The following ATP11A variants were observed in gnomAD, a reference collection of about 807,000 sequenced individuals.
The protein encoded by ATP11A is phospholipid-transporting ATPase IH.
ATP11A carries 81 observed loss-of-function variants against 154.4 expected under a neutral mutation model. The ratio of observed to expected loss-of-function variants is 0.52; its 90% confidence interval spans 0.44 to 0.63. The LOEUF is 0.63. ATP11A is among the 30% of genes least tolerant of loss of function. The pLI is 0.00. For synonymous variants in ATP11A, 623 were observed against 585.9 expected (o/e 1.06, Z -0.91); for missense variants, 1,316 against 1,474.3 (o/e 0.89, Z 1.76).
chr13:112,863,026 C>T lies in ATP11A; in HGVS notation c.2991+451C>T, dbSNP rs569900151. On this transcript the variant is annotated intron_variant, in intron 25 of 29. Coordinates refer to ENST00000375645, the MANE Select transcript of ATP11A (RefSeq NM_015205.3). ...AGCTTCCCAGCGGGGTCCATCACCA[C>T]CTGTGCAGTAGTTCAGTGCGGCCCA... Among the ~76,000 whole-genome samples the T allele has an allele frequency of 3.2e-4, 47 of 148,174 alleles. 3 individuals are homozygous for T. The Middle Eastern group carries it at 0.011, about 36-fold the overall frequency.
At chr13:112,774,524 C>A (rs752512056) in intron 1 of ATP11A, among the ~76,000 whole-genome samples, 6 of 152,174 alleles carry the variant, frequency 3.9e-5, no homozygotes, top group Non-Finnish European at 8.8e-5. Context: ...TTCCAACTTA[C>A]AAATTGCAAA....
rs369786220 is a variant in ATP11A at position 112,754,314 on chromosome 13, C to A, written c.40-30821C>A. On this transcript the variant is annotated intron_variant, in intron 1 of 29. Transcript: ENST00000375645. The surrounding 1 kb of genome is among the most constrained non-coding windows in gnomAD (Gnocchi z 5.3). Reference sequence around the variant, plus strand: ...TCGGCTGATTCTTGGTCTTTGGAGACCTGGTCCCCAGTCCCACCTCTGCAT... The same window carrying A: ...TCGGCTGATTCTTGGTCTTTGGAGAACTGGTCCCCAGTCCCACCTCTGCAT... 1.3e-5 allele frequency among the ~76,000 whole-genome samples: 2 copies of A among 152,280 alleles called. No individual in the cohort carries two copies. The highest frequency in any genetic ancestry group is 3.9e-4 in the East Asian group (2 of 5,184).
chr13:112,840,294 G>A (rs112136079), intron 16 of ATP11A, among the ~76,000 whole-genome samples: 4 of 89,636 alleles, frequency 4.5e-5, no homozygotes, highest in Admixed American at 1.1e-4. Flanking sequence ...CCACTCTCCC[G>A]TGCCCTCCAG....
At chr13:112,709,870 T>C (rs573967826) in intron 1 of ATP11A, among the ~76,000 whole-genome samples, 108 of 152,408 alleles carry the variant, frequency 7.1e-4, no homozygotes, top group African/African-American at 2.6e-3. Context: ...AGTTTGACTC[T>C]TGTTGTCAAC....
chr13:112,818,211 T>TTGGTGCGCTTGGTGACGGGGCGGTGACC (rs1566525946), intron 6 of ATP11A, among the ~76,000 whole-genome samples: 4 of 146,522 alleles, frequency 2.7e-5, no homozygotes, highest in African/African-American at 7.6e-5. Context: ...GGGCAGTGAC[T>TTGGTGCGCTTGGTGACGGGGCGGTGACC]GTTGGTGCGC....
chr13:112,720,317 C>A (rs1004920094), intron 1 of ATP11A, among the ~76,000 whole-genome samples: 1 of 152,214 alleles, frequency 6.6e-6, no homozygotes, highest in African/African-American at 2.4e-5. Flanking sequence ...TAGGTGGAGT[C>A]GGAGATTCTT....
At chr13:112,810,893 G>A (rs1446642488) in intron 5 of ATP11A, among the ~76,000 whole-genome samples, 167 bp downstream of exon 5, 1 of 152,148 alleles carries the variant, frequency 6.6e-6, no homozygotes, top group Non-Finnish European at 1.5e-5. Context: ...GCTTCACCGT[G>A]CCTGTGAATA....
At chr13:112,878,175 T>A in intron 28 of ATP11A, 42 bp from the exon 29 acceptor site, 1 of 1,564,824 alleles carries the variant, frequency 6.4e-7, no homozygotes, top group Non-Finnish European at 8.8e-7. Flanking sequence ...CACACCTTGT[T>A]CACACACCCC....
At chr13:112,856,639 T>C (rs2079935514) in intron 20 of ATP11A, 1 of 146,028 alleles carries the variant, frequency 6.8e-6, no homozygotes, top group African/African-American at 2.6e-5. Flanking sequence ...CTGAAGTTTT[T>C]TCTTTAAATA....
At chr13:112,844,398 T>C (rs991738223) in intron 17 of ATP11A, among the ~76,000 whole-genome samples, 1 of 152,182 alleles carries the variant, frequency 6.6e-6, no homozygotes, top group Non-Finnish European at 1.5e-5. Flanking sequence ...AGCAAGGGCA[T>C]TGACACACGA....
intron 8 of ATP11A, among the ~76,000 whole-genome samples, chr13:112,822,629 G>A (rs907293534): frequency 6.6e-6 from 1 of 151,718 alleles, no homozygotes; most frequent in Non-Finnish European, 1.5e-5. Flanking sequence ...ATGCCCAACT[G>A]TAATCTCAGC....
rs1269014895 is a variant in ATP11A at position 112,690,294 on chromosome 13, C to T, written c.-123C>T. 33 of 667,618 alleles carry T rather than the reference C, an allele frequency of 4.9e-5. No homozygotes were observed. Among genetic ancestry groups the T allele is most frequent in the South Asian group, 1.3e-4 (2 of 14,832 alleles). The allele number at this position is 667,618 out of a possible 1,614,324, so 41.4% of individuals were successfully genotyped here. A position where few individuals can be genotyped will look rare whatever the true frequency, so the allele number is the denominator to read the frequency against. On this transcript the variant is annotated 5_prime_UTR_variant, in exon 1 of 30. Transcript: ENST00000375645. The surrounding 1 kb of genome is among the most constrained non-coding windows in gnomAD (Gnocchi z 5.6). ...GGGGCCGCGGCCGCCCCCTGCACCG[C>T]CCGGCGCGCCGAGGCCGTGACCGGA...
chr13:112,843,244 C>G (rs908938096), intron 17 of ATP11A, among the ~76,000 whole-genome samples: 10 of 152,164 alleles, frequency 6.6e-5, no homozygotes, highest in Non-Finnish European at 1.0e-4. Context: ...TGGACGCACT[C>G]CCTCCTGTCA....
chr13:112,831,557 C>T lies in ATP11A; in HGVS notation c.1395+9C>T. On this transcript the variant is annotated intron_variant, in intron 13 of 29. Coordinates refer to ENST00000375645, the MANE Select transcript of ATP11A (RefSeq NM_015205.3). ...CCAGCGTCAACGGGAGGGTAGGTGG[C>T]AGCCCCCACGCCGTCCAAGTGTGTG... 1.2e-6 allele frequency: 2 copies of T among 1,612,892 alleles called. No individual in the cohort carries two copies. Among genetic ancestry groups the T allele is most frequent in the Non-Finnish European group, 1.7e-6 (2 of 1,179,186 alleles).
intron 1 of ATP11A, among the ~76,000 whole-genome samples, chr13:112,765,569 A>G (rs951677649): frequency 2.0e-5 from 3 of 152,230 alleles, no homozygotes; most frequent in African/African-American, 7.2e-5. Context: ...GTGAACTTCA[A>G]ACACAGGAAG....
At chr13:112,826,974 A>C in intron 12 of ATP11A, 83 bp downstream of exon 12, 1 of 1,432,764 alleles carries the variant, frequency 7.0e-7, no homozygotes, top group Non-Finnish European at 9.7e-7. Flanking sequence ...TGTGCCTGTC[A>C]TCCGAGCGTG....
intron 1 of ATP11A, among the ~76,000 whole-genome samples, chr13:112,691,536 A>G (rs2139432882): frequency 6.6e-6 from 1 of 151,136 alleles, no homozygotes; most frequent in Non-Finnish European, 1.5e-5. Flanking sequence ...TCCCAAGCAC[A>G]GCGTTTCCTG....
Position 112,819,328 on chromosome 13 carries a change from A to G in ATP11A, c.595A>G (p.Lys199Glu). ...HKTHYAVQDT[K>E]GFHTEEDIGG... ...GACGCATTACGCGGTCCAGGACACCAAAGGCTTCCACACAGAGGAGGATAT... is the reference window on the plus strand; with the variant it reads ...GACGCATTACGCGGTCCAGGACACCGAAGGCTTCCACACAGAGGAGGATAT... Residue 199 changes from lysine to glutamate, a missense_variant, in exon 7 of 30, where the codon AAA becomes GAA. Physicochemically the swap from Lys to Glu is moderately conservative, Grantham distance 56 (BLOSUM62 1). This residue lies in a region of ATP11A where 876 missense variants were observed against 1,006.8 expected (regional missense o/e 0.87). Transcript: ENST00000375645. 1 of 1,614,250 alleles carries G rather than the reference A, an allele frequency of 6.2e-7. No individual in the cohort carries two copies. Among genetic ancestry groups the G allele is most frequent in the South Asian group, 1.1e-5 (1 of 91,088 alleles).
intron 1 of ATP11A, among the ~76,000 whole-genome samples, chr13:112,702,826 G>A (rs1196994183): frequency 1.3e-5 from 2 of 152,236 alleles, no homozygotes; most frequent in African/African-American, 4.8e-5. Flanking sequence ...GTGTCTCAGG[G>A]CCTTGCTGTC....
Sources: gnomAD v4.1 joint callset for allele counts (sites outside exome capture counted in the v4.1 genomes callset) on GRCh38, gnomAD v4.1.1 for gene constraint, gnomAD v4.1.1 regional missense constraint, Gnocchi (gnomAD v3.1) non-coding constraint, MANE v1.5 for transcripts, NCBI Gene and HGNC (gene_info 2026-07-23, HGNC 2026-07-21) for gene names.